The following ARID1B variants were observed in gnomAD, a reference collection of about 807,000 sequenced individuals.
ARID1B encodes AT-rich interactive domain-containing protein 1B.
A neutral mutation model predicts 212.3 loss-of-function variants in ARID1B; 30 were observed. That is an observed-to-expected ratio of 0.14 (90% CI 0.11 to 0.19). The LOEUF is 0.19. Ranked by LOEUF, ARID1B falls within the 10% of genes least tolerant of loss-of-function variation. The pLI, the probability that ARID1B is intolerant of heterozygous loss-of-function variation, is 1.00. For synonymous variants in ARID1B, 1,402 were observed against 1,301.7 expected, an observed-to-expected ratio of 1.08 and a Z score of -1.66; for missense variants, 2,891 against 3,204.0, an observed-to-expected ratio of 0.90 and a Z score of 2.36.
At chr6:156,853,948 G>T (rs2128112415) in intron 2 of ARID1B, among the ~76,000 whole-genome samples, 1 of 152,174 alleles carries the variant, frequency 6.6e-6, no homozygotes, top group South Asian at 2.1e-4. Flanking sequence ...GCCCAGTCTG[G>T]TCTCGAACTC....
chr6:157,007,516 C>A (rs1779315533), intron 4 of ARID1B, among the ~76,000 whole-genome samples: 1 of 152,116 alleles, frequency 6.6e-6, no homozygotes, highest in South Asian at 2.1e-4. Flanking sequence ...AACCATTTAG[C>A]TTCTGTTACA....
intron 4 of ARID1B, among the ~76,000 whole-genome samples, chr6:157,067,279 A>T (rs1162264101): frequency 6.6e-6 from 1 of 152,240 alleles, no homozygotes; most frequent in East Asian, 1.9e-4. Context: ...CACAAAGCCC[A>T]TGCTCCTAAC....
At chr6:156,822,163 G>C (rs182054860) in intron 1 of ARID1B, among the ~76,000 whole-genome samples, 25 of 152,212 alleles carry the variant, frequency 1.6e-4, no homozygotes, top group Middle Eastern at 6.8e-3. Flanking sequence ...TAATATCTTA[G>C]AATCCCATTT....
At chr6:157,106,282 A>T (rs1176889474) in intron 5 of ARID1B, among the ~76,000 whole-genome samples, 1 of 152,200 alleles carries the variant, frequency 6.6e-6, no homozygotes, top group African/African-American at 2.4e-5. Flanking sequence ...CACATTCATT[A>T]TCTCTGTTCC....
chr6:156,961,843 T>C (rs771519000), intron 4 of ARID1B, among the ~76,000 whole-genome samples: 33 of 152,204 alleles, frequency 2.2e-4, no homozygotes, highest in Non-Finnish European at 4.3e-4. Context: ...TTGTATTCTT[T>C]GTATTTCAAA....
intron 7 of ARID1B, among the ~76,000 whole-genome samples, chr6:157,134,519 A>G (rs73021532): frequency 0.043 from 6,560 of 152,310 alleles, 207 homozygotes; most frequent in Non-Finnish European, 0.068. Flanking sequence ...GTTTTGCCCA[A>G]TTCTCTTTAT....
chr6:157,090,517 C>T (rs971568457), intron 5 of ARID1B, among the ~76,000 whole-genome samples: 8 of 152,214 alleles, frequency 5.3e-5, no homozygotes, highest in African/African-American at 1.4e-4. Flanking sequence ...TAGGTCTTCA[C>T]GCTAGCACAT....
chr6:157,190,193 T>C lies in ARID1B; in HGVS notation c.4214T>C (p.Phe1405Ser), dbSNP rs764630192. The C allele has an allele frequency of 1.2e-6, 2 of 1,612,518 alleles. No individual in the cohort carries two copies. The highest frequency in any genetic ancestry group is 1.7e-6 in the Non-Finnish European group (2 of 1,179,546). Residue 1405 changes from phenylalanine (F) to serine (S), a missense_variant, in exon 15 of 20, where the codon TTT becomes TCT. Physicochemically the swap from Phe to Ser is radical, Grantham distance 155. This residue lies in a region of ARID1B where 666 missense variants were observed against 873.5 expected (regional missense o/e 0.76). Coordinates refer to ENST00000636930, the MANE Select transcript of ARID1B (RefSeq NM_001374828.1). This position sits in a 1 kb window ranked among gnomAD's most constrained non-coding sequence, Gnocchi z 4.6. ...RMPYEPNKDP[F>S]GGMRKVPGSS... is the part of the protein sequence containing the mutation. Reference sequence around the variant, plus strand: ...CCCTATGAGCCCAACAAGGACCCCTTTGGGGGAATGAGAAAAGGTACGTGT... The same window carrying C: ...CCCTATGAGCCCAACAAGGACCCCTCTGGGGGAATGAGAAAAGGTACGTGT...
chr6:157,004,897 CTTTTTTT>C (rs1177807875), intron 4 of ARID1B, among the ~76,000 whole-genome samples: 4 of 54,736 alleles, frequency 7.3e-5, no homozygotes, highest in Admixed American at 4.6e-4. Context: ...CTTCTTTTTT[CTTTTTTT>C]TTTTTTTTTT....
intron 4 of ARID1B, among the ~76,000 whole-genome samples, chr6:157,063,455 A>G (rs1218359878): frequency 2.0e-5 from 3 of 152,104 alleles, no homozygotes; most frequent in Non-Finnish European, 4.4e-5. Flanking sequence ...CCACACCAAG[A>G]TGCTTATCAT....
At chr6:157,000,294 A>G (rs12216531) in intron 4 of ARID1B, among the ~76,000 whole-genome samples, 44,626 of 151,900 alleles carry the variant, frequency 0.29, 6,718 homozygotes, top group Non-Finnish European at 0.32. Flanking sequence ...TCTGAATAGC[A>G]CTCCAGAAAA....
At chr6:157,168,771 T>C (rs1174082992) in intron 9 of ARID1B, 1 of 152,256 alleles carries the variant, frequency 6.6e-6, no homozygotes, top group Non-Finnish European at 1.5e-5. Context: ...CTATTCGTTA[T>C]TCCGTACAGA....
chr6:156,791,278 A>G (rs549391770), intron 1 of ARID1B, among the ~76,000 whole-genome samples: 2 of 152,246 alleles, frequency 1.3e-5, no homozygotes, highest in Non-Finnish European at 2.9e-5. Flanking sequence ...TAAAGCTGAA[A>G]TCTGGATTTG....
At chr6:156,976,542 A>G (rs959402614) in intron 4 of ARID1B, 1 of 211,284 alleles carries the variant, frequency 4.7e-6, no homozygotes, top group African/African-American at 2.4e-5. Flanking sequence ...TTGAAAAAAG[A>G]ACCACTCTCA....
Position 157,201,615 on chromosome 6 carries a change from T to A in ARID1B, c.5263+127T>A. ...AAATTATGACTAGAAGTTATCAAGATGCGTTTTTATATAGGAGTAATATAG... is the reference window on the plus strand; with the variant it reads ...AAATTATGACTAGAAGTTATCAAGAAGCGTTTTTATATAGGAGTAATATAG... On this transcript the variant is annotated intron_variant, in intron 18 of 19. Coordinates refer to ENST00000636930, the MANE Select transcript of ARID1B (RefSeq NM_001374828.1). This position sits in a 1 kb window ranked among gnomAD's most constrained non-coding sequence, Gnocchi z 5.2. 1 of 1,129,866 alleles carries A rather than the reference T, an allele frequency of 8.9e-7. No homozygotes were observed. 70.0% of individuals were successfully genotyped at this position (1,129,866 alleles called of 1,614,324 possible).
intron 13 of ARID1B, chr6:157,185,359 G>C (rs182427531): frequency 1.3e-5 from 2 of 152,280 alleles, no homozygotes; most frequent in Non-Finnish European, 2.9e-5. Flanking sequence ...CACTGTTCCT[G>C]GTCCCTGTCT....
In ARID1B at chr6:156,806,531, A is replaced by C. The variant is rs114758090; in HGVS notation, c.1792-22696A>C. Among the ~76,000 whole-genome samples the C allele has an allele frequency of 2.9e-3, 436 of 152,372 alleles. 4 individuals carry two copies. The highest frequency in any genetic ancestry group is 9.6e-3 in the African/African-American group (401 of 41,586). On this transcript the variant is annotated intron_variant, in intron 1 of 19. Transcript: ENST00000636930. ...TTTGCTTAATAATACTACTTTACAGATGATTTAATAATTTCCAAAGTGCTT... is the reference window on the plus strand; with the variant it reads ...TTTGCTTAATAATACTACTTTACAGCTGATTTAATAATTTCCAAAGTGCTT...
intron 4 of ARID1B, among the ~76,000 whole-genome samples, chr6:156,964,832 G>A (rs140709426): frequency 3.9e-5 from 6 of 152,244 alleles, no homozygotes; most frequent in Admixed American, 6.5e-5. Context: ...ATCAGCCTTG[G>A]TTCTTTTCTA....
chr6:156,901,336 A>G (rs769409596), intron 2 of ARID1B, 40 bp from the exon 3 acceptor site: 3 of 1,613,140 alleles, frequency 1.9e-6, no homozygotes, highest in Non-Finnish European at 2.5e-6. Flanking sequence ...TTAATTGCAC[A>G]TTTTGACTTT....
Sources: gnomAD v4.1 joint callset for allele counts (sites outside exome capture counted in the v4.1 genomes callset) on GRCh38, gnomAD v4.1.1 for gene constraint, gnomAD v4.1.1 regional missense constraint, Gnocchi (gnomAD v3.1) non-coding constraint, MANE v1.5 for transcripts, NCBI Gene and HGNC (gene_info 2026-07-23, HGNC 2026-07-21) for gene names.